Variants in PTPRM observed in about 807,000 individuals in gnomAD.
PTPRM encodes receptor-type tyrosine-protein phosphatase mu.
PTPRM carries 47 observed loss-of-function variants against 186.7 expected under a neutral mutation model. That is an observed-to-expected ratio of 0.25 (90% CI 0.20 to 0.32). The LOEUF (loss-of-function observed/expected upper bound fraction) is 0.32. Ranked by LOEUF, PTPRM falls within the 10% of genes least tolerant of loss-of-function variation. The pLI, the probability that PTPRM is intolerant of heterozygous loss-of-function variation, is 1.00. For missense variants in PTPRM, 1,494 were observed against 1,865.0 expected, an observed-to-expected ratio of 0.80 and a Z score of 3.66; for synonymous variants, 668 against 674.9, an observed-to-expected ratio of 0.99 and a Z score of 0.16.
chr18:7,908,860 A>G lies in PTPRM; in HGVS notation c.547+2277A>G, dbSNP rs116237705. The stretch of plus-strand genomic sequence containing the variant: ...ATCCTCAGAGTAATAGCCTCCAGCT[A>G]GAAAAGTGCCATGAGATCTTCTAAT... On this transcript the variant is annotated intron_variant, in intron 4 of 32. Coordinates refer to ENST00000580170, the MANE Select transcript of PTPRM (RefSeq NM_001105244.2). Among the ~76,000 whole-genome samples, 546 of 152,360 alleles carry G rather than the reference A, an allele frequency of 3.6e-3. 3 individuals carry two copies. The highest frequency in any genetic ancestry group is 0.013 in the African/African-American group (529 of 41,584).
At chr18:8,056,444 T>A (rs2087947444) in intron 7 of PTPRM, among the ~76,000 whole-genome samples, 1 of 151,982 alleles carries the variant, frequency 6.6e-6, no homozygotes, top group Non-Finnish European at 1.5e-5. Context: ...CTAGTCAACA[T>A]GGTGAAACTC....
At chr18:7,719,643 T>G (rs949138650) in intron 1 of PTPRM, among the ~76,000 whole-genome samples, 2 of 152,216 alleles carry the variant, frequency 1.3e-5, no homozygotes, top group African/African-American at 4.8e-5. Flanking sequence ...AAGGTCAGCA[T>G]AATACTTAGT....
rs187357819 is a variant in PTPRM, at chr18:7,990,759, T to G, written c.1132+35345T>G. ...TCCATTCATGCTGCCTTTTTAAAAG[T>G]TGTTTTTTTCTTCAAGGATAGACTC... is the stretch of plus-strand genomic sequence containing the variant. On this transcript the variant is annotated intron_variant, in intron 7 of 32. Coordinates refer to ENST00000580170, the MANE Select transcript of PTPRM (RefSeq NM_001105244.2). Among the ~76,000 whole-genome samples, 5 of 152,206 alleles carry G rather than the reference T, an allele frequency of 3.3e-5. No individual in the cohort carries two copies. In the East Asian group the frequency reaches 9.7e-4, roughly 29 times the overall value.
intron 1 of PTPRM, among the ~76,000 whole-genome samples, chr18:7,651,342 CA>C (rs2038698439): frequency 6.6e-6 from 1 of 151,878 alleles, no homozygotes; most frequent in African/African-American, 2.4e-5. Context: ...AACTGCTCTT[CA>C]AAAAACACCC....
intron 13 of PTPRM, among the ~76,000 whole-genome samples, chr18:8,116,951 C>A (rs759756034): frequency 6.6e-6 from 1 of 152,282 alleles, no homozygotes; most frequent in Non-Finnish European, 1.5e-5. Context: ...ATATTTCCTG[C>A]ATAACATTGT....
At chr18:7,777,059 T>C (rs746313992) in intron 2 of PTPRM, among the ~76,000 whole-genome samples, 2 of 152,240 alleles carry the variant, frequency 1.3e-5, no homozygotes, top group Admixed American at 6.5e-5. Flanking sequence ...TTTCCCATGC[T>C]AAAACAGAAA....
chr18:7,632,942 C>A (rs2038226216), intron 1 of PTPRM, among the ~76,000 whole-genome samples: 1 of 152,190 alleles, frequency 6.6e-6, no homozygotes, highest in Admixed American at 6.5e-5. Context: ...TCTGATGCTG[C>A]ACATCCTAAT....
chr18:8,177,159 TA>T (rs1346460559), intron 14 of PTPRM, among the ~76,000 whole-genome samples: 1 of 152,218 alleles, frequency 6.6e-6, no homozygotes, highest in Non-Finnish European at 1.5e-5. Flanking sequence ...TTAACCTTTA[TA>T]AAAGTATGAG....
chr18:7,883,264 A>G (rs1439424328), intron 2 of PTPRM, among the ~76,000 whole-genome samples: 2 of 152,242 alleles, frequency 1.3e-5, no homozygotes, highest in Non-Finnish European at 2.9e-5. Flanking sequence ...AAGTAACTAC[A>G]GAGGGAGACC....
chr18:8,141,071 G>A (rs116372953), intron 13 of PTPRM, among the ~76,000 whole-genome samples: 1 of 152,158 alleles, frequency 6.6e-6, no homozygotes, highest in African/African-American at 2.4e-5. Flanking sequence ...AAAGAGGAGA[G>A]AGGAGCATCC....
At chr18:7,671,392 C>A (rs2039215024) in intron 1 of PTPRM, among the ~76,000 whole-genome samples, 1 of 152,172 alleles carries the variant, frequency 6.6e-6, no homozygotes. Context: ...CTTTTCCCTG[C>A]CTCTCCCCCT....
intron 14 of PTPRM, among the ~76,000 whole-genome samples, chr18:8,198,339 G>A (rs2093807888): frequency 6.6e-6 from 1 of 152,080 alleles, no homozygotes; most frequent in African/African-American, 2.4e-5. Context: ...TGTAGAGACA[G>A]GGTTTTGCCA....
chr18:8,129,980 C>T (rs2092463037), intron 13 of PTPRM, among the ~76,000 whole-genome samples: 1 of 152,134 alleles, frequency 6.6e-6, no homozygotes, highest in African/African-American at 2.4e-5. Flanking sequence ...CAGTGTGAAA[C>T]GTGTTCTTCC....
At chr18:8,338,510 A>G (rs946767934) in intron 22 of PTPRM, among the ~76,000 whole-genome samples, 2 of 152,146 alleles carry the variant, frequency 1.3e-5, no homozygotes, top group African/African-American at 4.8e-5. Context: ...TCCGATGTTC[A>G]AATGAGGCGG....
At chr18:7,946,171 G>A (rs1236822529) in intron 5 of PTPRM, among the ~76,000 whole-genome samples, 1 of 152,126 alleles carries the variant, frequency 6.6e-6, no homozygotes, top group Non-Finnish European at 1.5e-5. Context: ...CAAAAAGGAG[G>A]GTTTCTTTTA....
intron 1 of PTPRM, among the ~76,000 whole-genome samples, chr18:7,652,031 A>G (rs1374628792): frequency 4.6e-5 from 7 of 152,244 alleles, no homozygotes; most frequent in African/African-American, 7.2e-5. Context: ...TCCAGAATCT[A>G]CAATGAACTC....
intron 19 of PTPRM, among the ~76,000 whole-genome samples, chr18:8,278,656 G>C (rs1316878041): frequency 1.3e-5 from 2 of 152,182 alleles, no homozygotes; most frequent in Non-Finnish European, 2.9e-5. Context: ...ATTGCATGTA[G>C]CTGCTGAAAA....
chr18:8,275,950 A>T (rs182816340), intron 19 of PTPRM, among the ~76,000 whole-genome samples: 1 of 151,508 alleles, frequency 6.6e-6, no homozygotes, highest in African/African-American at 2.4e-5. Flanking sequence ...GCTCCATCCT[A>T]CCTCTCTTGT....
intron 14 of PTPRM, among the ~76,000 whole-genome samples, chr18:8,196,474 C>T (rs532155762): frequency 1.2e-4 from 18 of 152,276 alleles, no homozygotes; most frequent in Non-Finnish European, 2.2e-4. Context: ...GTCAGCAGTG[C>T]GCCAGCATAC....
Sources: allele counts gnomAD v4.1 joint callset (sites outside exome capture counted in the v4.1 genomes callset), GRCh38; gene constraint gnomAD v4.1.1; transcripts MANE v1.5; gene names NCBI Gene and HGNC (gene_info 2026-07-23, HGNC 2026-07-21).